The following ANKDD1B variants were observed in gnomAD, a reference collection of about 807,000 sequenced individuals.
The protein encoded by ANKDD1B is ankyrin repeat and death domain containing 1B.
A neutral mutation model predicts 59.7 loss-of-function variants in ANKDD1B; 57 were observed. The ratio of observed to expected loss-of-function variants is 0.95; its 90% CI spans 0.77 to 1.19. The LOEUF (loss-of-function observed/expected upper bound fraction) is 1.19, where lower values mean the gene tolerates loss of function less well. ANKDD1B is among the 50% of genes most tolerant of loss of function. The probability of loss-of-function intolerance (pLI) is 0.00; values close to 1 mark genes in which losing one functional copy is unlikely to be tolerated. For synonymous variants in ANKDD1B, 216 were observed against 239.5 expected (o/e 0.90, Z 0.91); for missense variants, 602 against 641.9 (o/e 0.94, Z 0.67).
chr5:75,669,246 G>A lies in ANKDD1B; in HGVS notation c.1394-6G>A. ...TTTTACCTCGGACCTCTTGTGCTTG[G>A]CACAGGAAATGAAAGCTTCCGTGAA... is the stretch of plus-strand genomic sequence containing the variant. On this transcript the variant is annotated splice_region_variant and splice_polypyrimidine_tract_variant and intron_variant, in intron 12 of 13. Transcript: ENST00000601380. 8.1e-7 allele frequency: 1 copy of A among 1,232,062 alleles called. No individual in the cohort carries two copies. The highest frequency in any genetic ancestry group is 1.0e-6 in the Non-Finnish European group (1 of 987,930). The allele number at this position is 1,232,062 out of a possible 1,614,324, so 76.3% of individuals were successfully genotyped here.
rs1373927632 is a variant in ANKDD1B, at chr5:75,634,912, A to G, written c.615A>G (p.Pro205=). ...TTGATTTTTAGAAAGGAAGAAAACC[A>G]TTTCTTTTGGCAGCTGAGAGGGGCC... is the stretch of plus-strand genomic sequence containing the variant. ...LNQPDEKGRK[P]FLLAAERGHV... Residue 205 remains proline (P), a synonymous_variant, in exon 6 of 14, where the codon CCA becomes CCG. Transcript: ENST00000601380. 3 of 1,532,894 alleles carry G rather than the reference A, an allele frequency of 2.0e-6. No individual in the cohort carries two copies. The African/African-American group carries it at 4.1e-5, about 21-fold the overall frequency. The allele number at this position is 1,532,894 out of a possible 1,614,324, so 95.0% of individuals were successfully genotyped here.
intron 7 of ANKDD1B, among the ~76,000 whole-genome samples, chr5:75,640,045 CTT>C (rs764852636): frequency 1.4e-5 from 2 of 145,344 alleles, no homozygotes; most frequent in Non-Finnish European, 3.0e-5. Flanking sequence ...GATTATCTTT[CTT>C]TTTTTTTTTG....
At position 75,611,561 on chromosome 5, in the gene ANKDD1B, T is replaced by G; in HGVS notation, c.-74T>G. The G allele has an allele frequency of 9.0e-7, 1 of 1,112,740 alleles. No homozygotes were observed. The highest frequency in any genetic ancestry group is 1.6e-5 in the African/African-American group (1 of 62,112). 68.9% of individuals were successfully genotyped at this position (1,112,740 alleles called of 1,614,324 possible). On this transcript the variant is annotated 5_prime_UTR_variant, in exon 1 of 14. Transcript: ENST00000601380. ...CCCTGGGCCTGCCTGGGTCTGGATC[T>G]GTGTCCGAGTCTGGGTCTGGATCTG...
chr5:75,621,860 A>T (rs879369085), intron 3 of ANKDD1B, among the ~76,000 whole-genome samples: 12 of 152,354 alleles, frequency 7.9e-5, no homozygotes, highest in Admixed American at 7.8e-4. Flanking sequence ...CTGAAGCATG[A>T]CTATTTCTCT....
At chr5:75,665,073 T>C (rs1044281482) in intron 11 of ANKDD1B, among the ~76,000 whole-genome samples, 2 of 152,242 alleles carry the variant, frequency 1.3e-5, no homozygotes, top group African/African-American at 4.8e-5. Flanking sequence ...AACCACCCAA[T>C]CATCCATTAT....
At chr5:75,619,851 T>C (rs1773800820) in intron 2 of ANKDD1B, among the ~76,000 whole-genome samples, 2 of 152,188 alleles carry the variant, frequency 1.3e-5, no homozygotes. Context: ...AGGAATTTAT[T>C]TGCTTCAGTA....
chr5:75,657,593 A>G lies in ANKDD1B; in HGVS notation c.996+1466A>G, dbSNP rs1429946352. 2.6e-5 allele frequency among the ~76,000 whole-genome samples: 4 copies of G among 152,264 alleles called. No individual in the cohort carries two copies. The East Asian group carries it at 7.7e-4, about 29-fold the overall frequency. On this transcript the variant is annotated intron_variant, in intron 9 of 13. Transcript: ENST00000601380. ...ATGACAAACACCTAGACACACTGCC[A>G]TTTGAAGGTGAGTCTTTAAGAAATG...
rs1185784408 is a variant in ANKDD1B at position 75,616,837 on chromosome 5, C to T, written c.227C>T (p.Ala76Val). 4 of 1,531,444 alleles carry T rather than the reference C, an allele frequency of 2.6e-6. No homozygotes were observed. In the East Asian group the frequency reaches 9.8e-5, roughly 37 times the overall value. The allele number at this position is 1,531,444 out of a possible 1,614,324, so 94.9% of individuals were successfully genotyped here. ...LPNERSFQNA[A>V]KSNNLDLMEK... ...AATGAGAGAAGCTTTCAGAATGCTGCTAAAAGCAATAATTTGGATCTTATG... is the reference window on the plus strand; with the variant it reads ...AATGAGAGAAGCTTTCAGAATGCTGTTAAAAGCAATAATTTGGATCTTATG... The change falls in exon 2 of 14, where the codon GCT becomes GTT. Residue 76 changes from alanine (A) to valine (V), a missense_variant. Around this residue, in one of 3 missense-constraint regions of ANKDD1B, gnomAD observed 317 missense variants for 304.6 expected, o/e 1.04. Coordinates refer to ENST00000601380, the MANE Select transcript of ANKDD1B (RefSeq NM_001276713.2).
chr5:75,619,239 C>G (rs1773787172), intron 2 of ANKDD1B, among the ~76,000 whole-genome samples: 3 of 152,212 alleles, frequency 2.0e-5, no homozygotes, highest in South Asian at 4.1e-4. Context: ...CACAACCTTG[C>G]ACAAACGCCA....
chr5:75,630,537 G>T (rs1471290890), intron 5 of ANKDD1B, among the ~76,000 whole-genome samples: 2 of 152,222 alleles, frequency 1.3e-5, no homozygotes, highest in Admixed American at 1.3e-4. Flanking sequence ...CTCTTAGCAG[G>T]TGAAGCTTTC....
At chr5:75,637,240 CAAAAAAAAAAAAAAAAAAAAAA>C (rs55640131) in intron 7 of ANKDD1B, among the ~76,000 whole-genome samples, 2 of 69,956 alleles carry the variant, frequency 2.9e-5, no homozygotes, top group Admixed American at 3.5e-4. Context: ...GACTCTGTCT[CAAAAAAAAAAAAAAAAAAAAAA>C]AAAAAAAAAA....
intron 7 of ANKDD1B, among the ~76,000 whole-genome samples, chr5:75,637,291 G>C (rs1206416569): frequency 7.5e-6 from 1 of 133,162 alleles, no homozygotes; most frequent in Non-Finnish European, 1.6e-5. Flanking sequence ...AAAAGAAACT[G>C]GTTCTGGATT....
rs1579987877 is a variant in ANKDD1B at position 75,671,629 on chromosome 5, C to T, written c.*589C>T. 1 of 151,818 alleles carries T rather than the reference C, an allele frequency of 6.6e-6. No individual in the cohort carries two copies. The highest frequency in any genetic ancestry group is 1.9e-4 in the East Asian group (1 of 5,170). 9.4% of individuals were successfully genotyped at this position (151,818 alleles called of 1,614,324 possible). A position where few individuals can be genotyped will look rare whatever the true frequency, so the allele number is the denominator to read the frequency against. On this transcript the variant is annotated 3_prime_UTR_variant, in exon 14 of 14. Transcript: ENST00000601380. ...AGAAACTGGGTTTGGAATTTATAGTCATTGTTGACTTTAAATCACACATTT... is the reference window on the plus strand; with the variant it reads ...AGAAACTGGGTTTGGAATTTATAGTTATTGTTGACTTTAAATCACACATTT...
intron 7 of ANKDD1B, among the ~76,000 whole-genome samples, chr5:75,650,711 G>A (rs975097086): frequency 6.6e-6 from 1 of 152,166 alleles, no homozygotes. Context: ...GAGATATACA[G>A]GTCATTGCTG....
At chr5:75,659,428 C>G (rs1276710635) in intron 10 of ANKDD1B, 47 bp downstream of exon 10, 3 of 1,326,268 alleles carry the variant, frequency 2.3e-6, no homozygotes, top group Non-Finnish European at 3.1e-6. Flanking sequence ...GTTGCTAAGA[C>G]CTTCCTGTTG....
rs918926984 is a variant in ANKDD1B at position 75,670,991 on chromosome 5, A to G, written c.1538A>G (p.His513Arg). 1 of 1,228,152 alleles carries G rather than the reference A, an allele frequency of 8.1e-7. No homozygotes were observed. The highest frequency in any genetic ancestry group is 4.1e-5 in the South Asian group (1 of 24,256). The allele number at this position is 1,228,152 out of a possible 1,614,324, so 76.1% of individuals were successfully genotyped here. ...TTATTTTTTCCAGAAAAGACTCGTC[A>G]TTTCAAAAGCAAAACTGACTCAAAC... is the stretch of plus-strand genomic sequence containing the variant. ...GFPKLAEKTR[H>R]FKSKTDSNSK... The change falls in exon 14 of 14, where the codon CAT becomes CGT. Residue 513 changes from histidine (H) to arginine (R), a missense_variant. By Grantham distance (29) the His-to-Arg change is conservative. Transcript: ENST00000601380.
intron 7 of ANKDD1B, 47 bp downstream of exon 7, chr5:75,635,929 G>A (rs1198863999): frequency 4.8e-6 from 6 of 1,245,960 alleles, no homozygotes; most frequent in Non-Finnish European, 4.5e-6. Context: ...ATGTGGAAGG[G>A]TTGGAGGAAT....
intron 8 of ANKDD1B, among the ~76,000 whole-genome samples, chr5:75,655,512 G>A (rs947753653): frequency 1.3e-5 from 2 of 152,174 alleles, no homozygotes; most frequent in African/African-American, 4.8e-5. Flanking sequence ...TGAAGTCTCT[G>A]AGAAGTCCTG....
intron 10 of ANKDD1B, among the ~76,000 whole-genome samples, chr5:75,662,625 A>T (rs1008868417): frequency 6.6e-6 from 1 of 152,134 alleles, no homozygotes. Flanking sequence ...GGTGCACTCT[A>T]TGAAATCCAG....
Sources: allele counts gnomAD v4.1 joint callset (sites outside exome capture counted in the v4.1 genomes callset), GRCh38; gene constraint gnomAD v4.1.1; regional missense constraint gnomAD v4.1.1; transcripts MANE v1.5; gene names NCBI Gene and HGNC (gene_info 2026-07-23, HGNC 2026-07-21).